Variants in PDE11A observed in about 807,000 individuals in gnomAD.
PDE11A encodes dual 3',5'-cyclic-AMP and -GMP phosphodiesterase 11A.
Under a neutral mutation model 100.5 loss-of-function variants are expected in PDE11A, and 100 were observed. The ratio of observed to expected loss-of-function variants is 1.00; its 90% confidence interval spans 0.85 to 1.18. PDE11A has a LOEUF of 1.18. Ranked by LOEUF, PDE11A falls within the 50% of genes most tolerant of loss-of-function variation. The pLI, the probability that PDE11A is intolerant of heterozygous loss-of-function variation, is 0.00. For missense variants in PDE11A, 1,141 were observed against 1,152.6 expected (o/e 0.99, Z 0.15); for synonymous variants, 381 against 420.8 (o/e 0.91, Z 1.16).
At chr2:177,646,577 G>A (rs777045675) in intron 19 of PDE11A, among the ~76,000 whole-genome samples, 4 of 152,232 alleles carry the variant, frequency 2.6e-5, no homozygotes, top group African/African-American at 4.8e-5. Flanking sequence ...AGGCTTGGCT[G>A]AGTACCAGGC....
chr2:178,049,428 G>A (rs964329722), intron 1 of PDE11A, among the ~76,000 whole-genome samples: 2 of 152,186 alleles, frequency 1.3e-5, no homozygotes, highest in Admixed American at 6.5e-5. Flanking sequence ...CATGAGTGAC[G>A]CAGAGGACAG....
At chr2:177,953,869 T>C (rs1206136391) in intron 2 of PDE11A, among the ~76,000 whole-genome samples, 5 of 152,126 alleles carry the variant, frequency 3.3e-5, no homozygotes, top group African/African-American at 4.8e-5. Flanking sequence ...TAGAAAAGGA[T>C]AGTTCGCAAA....
At chr2:177,636,070 C>T (rs945984125) in intron 19 of PDE11A, among the ~76,000 whole-genome samples, 4 of 151,856 alleles carry the variant, frequency 2.6e-5, no homozygotes, top group South Asian at 2.1e-4. Flanking sequence ...TGTGTATTTG[C>T]GTTTTGGTAG....
At chr2:177,983,865 C>T (rs1487304277) in intron 2 of PDE11A, among the ~76,000 whole-genome samples, 1 of 152,104 alleles carries the variant, frequency 6.6e-6, no homozygotes, top group East Asian at 1.9e-4. Flanking sequence ...CTAAGCAAGG[C>T]AACTGACTTT....
rs747505553 is a variant in PDE11A at position 177,875,859 on chromosome 2, C to G, written c.1367G>C (p.Ser456Thr). The change falls in exon 5 of 20, where the codon AGT (serine) becomes ACT (threonine). Residue 456 changes from serine (S) to threonine (T), a missense_variant and splice_region_variant. Transcript: ENST00000286063. ...GACCCATGAACCCCACAAGCCCTAC[C>G]TGTTCTCAGCATCAGCACTGCACTT... ...SPKCSADAEN[S>T]FKESMEKSSY... 6.2e-7 allele frequency: 1 copy of G among 1,605,880 alleles called. No homozygotes were observed. Among genetic ancestry groups the G allele is most frequent in the Non-Finnish European group, 8.5e-7 (1 of 1,172,476 alleles).
At chr2:178,062,766 G>A (rs893470261) in intron 1 of PDE11A, among the ~76,000 whole-genome samples, 3 of 152,086 alleles carry the variant, frequency 2.0e-5, no homozygotes, top group African/African-American at 7.2e-5. Context: ...AAACATTCTG[G>A]TAATCTGATA....
At chr2:177,902,764 C>T (rs1016026540) in intron 3 of PDE11A, among the ~76,000 whole-genome samples, 1 of 152,196 alleles carries the variant, frequency 6.6e-6, no homozygotes, top group African/African-American at 2.4e-5. Flanking sequence ...GCTGTGCCAG[C>T]CAAGAGTCTC....
chr2:177,979,293 T>C (rs2085848980), intron 2 of PDE11A, among the ~76,000 whole-genome samples: 1 of 150,516 alleles, frequency 6.6e-6, no homozygotes, highest in African/African-American at 2.4e-5. Flanking sequence ...ACTAGTGACT[T>C]CTTCCTACTT....
chr2:178,031,682 A>G (rs1428258652), intron 1 of PDE11A, among the ~76,000 whole-genome samples: 3 of 152,192 alleles, frequency 2.0e-5, no homozygotes, highest in Admixed American at 6.5e-5. Flanking sequence ...AAAAAAATAT[A>G]TATCATATTA....
chr2:177,782,286 A>G (rs56314683), intron 9 of PDE11A, among the ~76,000 whole-genome samples: 49,598 of 152,056 alleles, frequency 0.33, 8,418 homozygotes, highest in East Asian at 0.37. Flanking sequence ...CACTATTTCT[A>G]TGAGAGGTGG....
rs142242298 is a variant in PDE11A at position 177,653,386 on chromosome 2, A to G, written c.2646+10480T>C. 4.9e-3 allele frequency among the ~76,000 whole-genome samples: 739 copies of G among 152,284 alleles called. 4 individuals carry two copies. Among genetic ancestry groups the G allele is most frequent in the East Asian group, 0.029 (151 of 5,182 alleles). On this transcript the variant is annotated intron_variant, in intron 19 of 19. Coordinates refer to ENST00000286063, the MANE Select transcript of PDE11A (RefSeq NM_016953.4). ...GGAGATTCCTGAGATCCCATTTACC[A>G]ACTTCTAACCTTTCTTTCCCTCTTG...
intron 5 of PDE11A, among the ~76,000 whole-genome samples, chr2:177,862,850 AC>A (rs2083966239): frequency 6.6e-6 from 1 of 151,936 alleles, no homozygotes; most frequent in Non-Finnish European, 1.5e-5. Flanking sequence ...TTTGTATAAA[AC>A]CATAAAAGAC....
chr2:177,640,511 C>G (rs2080125352), intron 19 of PDE11A, among the ~76,000 whole-genome samples: 1 of 152,194 alleles, frequency 6.6e-6, no homozygotes, highest in South Asian at 2.1e-4. Context: ...CTTCAAGAAA[C>G]AGCTTCCTGT....
chr2:177,718,649 T>C (rs2081479002), intron 12 of PDE11A, among the ~76,000 whole-genome samples: 1 of 152,178 alleles, frequency 6.6e-6, no homozygotes, highest in Non-Finnish European at 1.5e-5. Context: ...TGTTTAAATA[T>C]ATGTATAGGA....
chr2:177,846,115 T>C (rs950466093), intron 5 of PDE11A, among the ~76,000 whole-genome samples: 1 of 152,144 alleles, frequency 6.6e-6, no homozygotes, highest in African/African-American at 2.4e-5. Context: ...ATCGTAACAC[T>C]GAGTTAGAGC....
At chr2:178,044,418 A>G (rs1218126099) in intron 1 of PDE11A, among the ~76,000 whole-genome samples, 2 of 148,378 alleles carry the variant, frequency 1.3e-5, no homozygotes, top group African/African-American at 4.9e-5. Context: ...TATAAACTTT[A>G]TATATATGTT....
At position 177,855,903 on chromosome 2, in the gene PDE11A, A is replaced by AACACAC. The variant is rs57202805; in HGVS notation, c.1368-15526_1368-15521dup. 1.5e-3 allele frequency among the ~76,000 whole-genome samples: 205 copies of AACACAC among 139,666 alleles called. 2 individuals are homozygous for AACACAC. Among genetic ancestry groups the AACACAC allele is most frequent in the African/African-American group, 2.7e-3 (99 of 37,270 alleles). The allele number at this position is 139,666 out of a possible 152,430, so 91.6% of individuals were successfully genotyped here. On this transcript the variant is annotated intron_variant, in intron 5 of 19. Transcript: ENST00000286063. Reference sequence around the variant, plus strand: ...ATTCATAGACATCTAGAACGTATGCAACACACACACACACACACACACACA... The same window carrying AACACAC: ...ATTCATAGACATCTAGAACGTATGCAACACACACACACACACACACACACACACACA...
chr2:177,653,628 C>T (rs2105463925), intron 19 of PDE11A, among the ~76,000 whole-genome samples: 1 of 152,220 alleles, frequency 6.6e-6, no homozygotes, highest in Non-Finnish European at 1.5e-5. Flanking sequence ...TGTGAAAACA[C>T]AGACACAAAA....
At chr2:178,063,215 G>T (rs2086995797) in intron 1 of PDE11A, among the ~76,000 whole-genome samples, 1 of 152,094 alleles carries the variant, frequency 6.6e-6, no homozygotes, top group Admixed American at 6.5e-5. Flanking sequence ...GTTTGTCAAA[G>T]GTAGAATATT....
Sources: allele counts gnomAD v4.1 joint callset (sites outside exome capture counted in the v4.1 genomes callset), GRCh38; gene constraint gnomAD v4.1.1; transcripts MANE v1.5; gene names NCBI Gene and HGNC (gene_info 2026-07-23, HGNC 2026-07-21).